Variants in HPSE2 observed in about 807,000 individuals in gnomAD.
The protein encoded by HPSE2 is heparanase 2 (inactive).
In HPSE2, 38 loss-of-function variants were observed where a neutral mutation model predicts 60.5. That is an observed-to-expected ratio of 0.63 (90% CI 0.48 to 0.82). The LOEUF is 0.82. Among genes scored for constraint, HPSE2 ranks in the 40% least tolerant of loss-of-function variants. HPSE2 has a pLI of 0.00. For missense variants in HPSE2, 713 were observed against 740.4 expected, an observed-to-expected ratio of 0.96 and a Z score of 0.43; for synonymous variants, 295 against 293.2, an observed-to-expected ratio of 1.01 and a Z score of -0.06.
intron 3 of HPSE2, among the ~76,000 whole-genome samples, chr10:98,866,883 T>C (rs1473253904): frequency 2.0e-5 from 3 of 152,140 alleles, no homozygotes; most frequent in African/African-American, 7.2e-5. Context: ...ATGTTAAAGA[T>C]TGTCCTTAAG....
chr10:98,571,221 C>T (rs1329082050), intron 9 of HPSE2, among the ~76,000 whole-genome samples: 2 of 152,056 alleles, frequency 1.3e-5, no homozygotes, highest in African/African-American at 4.8e-5. Flanking sequence ...AGCATGGGGA[C>T]CTGCCAGGCA....
chr10:98,671,096 T>C (rs945428782), intron 6 of HPSE2, among the ~76,000 whole-genome samples: 1 of 152,204 alleles, frequency 6.6e-6, no homozygotes. Context: ...TCAACTGTAG[T>C]AGTAAAAATA....
intron 3 of HPSE2, among the ~76,000 whole-genome samples, chr10:98,973,266 G>C (rs553983351): frequency 7.9e-5 from 12 of 152,130 alleles, no homozygotes; most frequent in Non-Finnish European, 1.6e-4. Flanking sequence ...AAAATTGACA[G>C]TGTTTGCAAT....
the HPSE2 span, among the ~76,000 whole-genome samples, chr10:99,311,852 A>C: frequency 6.6e-6 from 1 of 152,230 alleles, no homozygotes; most frequent in Non-Finnish European, 1.5e-5. Context: ...TATCAATACA[A>C]AGAAAAAGTT....
intron 9 of HPSE2, among the ~76,000 whole-genome samples, chr10:98,550,427 G>A (rs1336071714): frequency 6.6e-6 from 1 of 151,904 alleles, no homozygotes; most frequent in African/African-American, 2.4e-5. Context: ...CCAAGTAGCT[G>A]GGACTACAGG....
At chr10:98,780,662 T>C (rs903933109) in intron 3 of HPSE2, among the ~76,000 whole-genome samples, 1 of 152,014 alleles carries the variant, frequency 6.6e-6, no homozygotes, top group Non-Finnish European at 1.5e-5. Context: ...TTTGATTGCT[T>C]GGCTAGGGAA....
At chr10:98,664,064 C>T (rs1388812075) in intron 6 of HPSE2, among the ~76,000 whole-genome samples, 1 of 152,064 alleles carries the variant, frequency 6.6e-6, no homozygotes, top group African/African-American at 2.4e-5. Context: ...AGCAACTCTG[C>T]CACTGCTTGA....
intron 9 of HPSE2, among the ~76,000 whole-genome samples, chr10:98,553,815 T>C (rs1335149006): frequency 1.3e-5 from 2 of 152,240 alleles, no homozygotes; most frequent in African/African-American, 2.4e-5. Context: ...TCTCTATGGC[T>C]CTTCCTGTGC....
chr10:99,255,192 C>T, the HPSE2 span, among the ~76,000 whole-genome samples: 2 of 152,086 alleles, frequency 1.3e-5, no homozygotes, highest in Non-Finnish European at 2.9e-5. Context: ...AATATTTAGA[C>T]GTCTATCAAA....
intron 4 of HPSE2, among the ~76,000 whole-genome samples, chr10:98,742,790 CAT>C (rs138985703): frequency 1.3e-5 from 1 of 76,328 alleles, no homozygotes; most frequent in Non-Finnish European, 2.6e-5. Context: ...CACACACATA[CAT>C]ACACACACAC....
At chr10:98,929,746 T>C (rs995378464) in intron 3 of HPSE2, among the ~76,000 whole-genome samples, 1 of 143,972 alleles carries the variant, frequency 6.9e-6, no homozygotes, top group Non-Finnish European at 1.5e-5. Context: ...GTGGGAAAAA[T>C]CAGCCTAAGT....
intron 2 of HPSE2, among the ~76,000 whole-genome samples, chr10:99,172,399 A>G (rs1847345127): frequency 6.6e-6 from 1 of 152,188 alleles, no homozygotes; most frequent in Non-Finnish European, 1.5e-5. Flanking sequence ...TTCAAAAGAG[A>G]GTATAATTTA....
Position 98,932,381 on chromosome 10 carries a change from T to C in HPSE2, c.611-188325A>G, listed in dbSNP as rs1303935786. ...CTGGATTTTGTTTGCCAGTATTTTATTGAGGATTTTTGCACAGATGTTCAT... is the reference window on the plus strand; with the variant it reads ...CTGGATTTTGTTTGCCAGTATTTTACTGAGGATTTTTGCACAGATGTTCAT... On this transcript the variant is annotated intron_variant, in intron 3 of 11. Coordinates refer to ENST00000370552, the MANE Select transcript of HPSE2 (RefSeq NM_021828.5). 2.1e-5 allele frequency among the ~76,000 whole-genome samples: 3 copies of C among 144,234 alleles called. 1 individual carries two copies. The highest frequency in any genetic ancestry group is 8.4e-5 in the African/African-American group (3 of 35,546). 94.6% of individuals were successfully genotyped at this position (144,234 alleles called of 152,430 possible).
chr10:99,087,241 T>G (rs951599399), intron 3 of HPSE2, among the ~76,000 whole-genome samples: 1 of 152,226 alleles, frequency 6.6e-6, no homozygotes, highest in East Asian at 1.9e-4. Flanking sequence ...GGCCCATATT[T>G]TGCATCCCTG....
intron 3 of HPSE2, among the ~76,000 whole-genome samples, chr10:98,892,112 C>T (rs978991096): frequency 2.6e-5 from 4 of 151,998 alleles, no homozygotes; most frequent in Non-Finnish European, 5.9e-5. Flanking sequence ...ATTATGTATA[C>T]TTTGAGTATC....
chr10:99,280,636 T>C, the HPSE2 span, among the ~76,000 whole-genome samples: 1 of 152,200 alleles, frequency 6.6e-6, no homozygotes, highest in East Asian at 1.9e-4. Flanking sequence ...TCGGGAATTA[T>C]TCAGTACCTT....
At chr10:99,007,441 T>C (rs951333770) in intron 3 of HPSE2, among the ~76,000 whole-genome samples, 1 of 152,218 alleles carries the variant, frequency 6.6e-6, no homozygotes, top group African/African-American at 2.4e-5. Flanking sequence ...TCCTACCCTC[T>C]TCAATGTGCC....
chr10:99,253,180 C>G, the HPSE2 span, among the ~76,000 whole-genome samples: 1 of 152,062 alleles, frequency 6.6e-6, no homozygotes, highest in African/African-American at 2.4e-5. Flanking sequence ...CCAAGGCAAT[C>G]CTAAGGAAAA....
chr10:99,114,901 C>CAAA (rs1223188167), intron 3 of HPSE2, among the ~76,000 whole-genome samples: 4 of 54,356 alleles, frequency 7.4e-5, no homozygotes, highest in African/African-American at 1.3e-4. Flanking sequence ...GACTCCGTCT[C>CAAA]AAAAAAAAAA....
Sources: allele counts gnomAD v4.1 joint callset (sites outside exome capture counted in the v4.1 genomes callset), GRCh38; gene constraint gnomAD v4.1.1; transcripts MANE v1.5; gene names NCBI Gene and HGNC (gene_info 2026-07-23, HGNC 2026-07-21).